YWHAG: variants seen among roughly 807,000 people sequenced by gnomAD.
YWHAG encodes tyrosine 3-monooxygenase/tryptophan 5-monooxygenase activation protein gamma.
In YWHAG, 1 loss-of-function variant was observed where a neutral mutation model predicts 23.3. That is an observed-to-expected ratio of 0.04 (90% CI 0.02 to 0.20). YWHAG has a LOEUF of 0.20. YWHAG is among the 10% of genes least tolerant of loss of function. YWHAG has a pLI of 1.00. For synonymous variants in YWHAG, 160 were observed against 144.0 expected (o/e 1.11, Z -0.80); for missense variants, 151 against 338.6 (o/e 0.45, Z 4.35).
At chr7:76,355,943 A>G (rs1425356113) in intron 1 of YWHAG, among the ~76,000 whole-genome samples, 1 of 152,206 alleles carries the variant, frequency 6.6e-6, no homozygotes, top group African/African-American at 2.4e-5. Flanking sequence ...TACAAGACTA[A>G]ACATCTGTCT....
chr7:76,337,094 A>G (rs113926889), intron 1 of YWHAG, among the ~76,000 whole-genome samples: 4 of 152,316 alleles, frequency 2.6e-5, no homozygotes, highest in Middle Eastern at 3.4e-3. Flanking sequence ...TGTATCTGAA[A>G]TAACACGCCT....
intron 1 of YWHAG, 28 bp downstream of exon 1, chr7:76,358,694 G>A (rs370768782): frequency 1.3e-6 from 2 of 1,528,164 alleles, no homozygotes; most frequent in Non-Finnish European, 8.8e-7. Context: ...GGGGCAGGGA[G>A]CGGCGGGGGA....
intron 1 of YWHAG, among the ~76,000 whole-genome samples, chr7:76,332,713 C>CAA (rs1016440449): frequency 8.3e-5 from 12 of 143,936 alleles, no homozygotes; most frequent in Non-Finnish European, 1.2e-4. Context: ...TTTTTGGAGA[C>CAA]AGAGTTTCAA....
At chr7:76,344,445 C>T (rs1047173608) in intron 1 of YWHAG, among the ~76,000 whole-genome samples, 7 of 152,166 alleles carry the variant, frequency 4.6e-5, no homozygotes, top group Non-Finnish European at 8.8e-5. Flanking sequence ...ATCAGGAAGA[C>T]ACCTCATCAA....
Position 76,329,489 on chromosome 7 carries a change from T to TGCCCCC in YWHAG, c.*87_*88insGGGGGC. Reference sequence around the variant, plus strand: ...TCCCTGGGAAGGTCATCCCTCCCTTTCCCTCCCCCACCCGACCCCCAACTC... The same window carrying TGCCCCC: ...TCCCTGGGAAGGTCATCCCTCCCTTTGCCCCCCCCTCCCCCACCCGACCCCCAACTC... On this transcript the variant is annotated 3_prime_UTR_variant, in exon 2 of 2. Coordinates refer to ENST00000307630, the MANE Select transcript of YWHAG (RefSeq NM_012479.4). The surrounding 1 kb of genome is among the most constrained non-coding windows in gnomAD (Gnocchi z 6.1). 2.9e-6 allele frequency: 3 copies of TGCCCCC among 1,024,226 alleles called. No homozygotes were observed. Among genetic ancestry groups the TGCCCCC allele is most frequent in the East Asian group, 3.5e-5 (1 of 28,686 alleles). 63.4% of individuals were successfully genotyped at this position (1,024,226 alleles called of 1,614,324 possible).
chr7:76,334,357 A>G (rs2908190), intron 1 of YWHAG, among the ~76,000 whole-genome samples: 32,004 of 152,156 alleles, frequency 0.21, 3,563 homozygotes, highest in East Asian at 0.33. Context: ...TGACTATTCA[A>G]TGTGGGAAGA....
chr7:76,346,656 T>C (rs1803783212), intron 1 of YWHAG, among the ~76,000 whole-genome samples: 1 of 152,130 alleles, frequency 6.6e-6, no homozygotes, highest in African/African-American at 2.4e-5. Context: ...CAACCTGCCC[T>C]TGCCGTTCTT....
chr7:76,358,397 C>G (rs1803994569), intron 1 of YWHAG, among the ~76,000 whole-genome samples: 1 of 152,216 alleles, frequency 6.6e-6, no homozygotes, highest in African/African-American at 2.4e-5. Context: ...GATGCGCACG[C>G]CTCCCCGCTC....
intron 1 of YWHAG, among the ~76,000 whole-genome samples, chr7:76,354,383 TG>T (rs1296265321): frequency 1.3e-5 from 2 of 151,970 alleles, no homozygotes; most frequent in African/African-American, 4.8e-5. Flanking sequence ...TGGTGGTGGG[TG>T]CCTGTAATCC....
chr7:76,339,197 C>T (rs1363248161), intron 1 of YWHAG, among the ~76,000 whole-genome samples: 1 of 152,058 alleles, frequency 6.6e-6, no homozygotes, highest in African/African-American at 2.4e-5. Flanking sequence ...AGGCTGGGCG[C>T]GGTGGCTCAC....
chr7:76,337,834 C>A (rs1029491344), intron 1 of YWHAG, among the ~76,000 whole-genome samples: 5 of 152,158 alleles, frequency 3.3e-5, no homozygotes, highest in Non-Finnish European at 7.3e-5. Flanking sequence ...CTGTGCCCGA[C>A]CCCATTTGCT....
At chr7:76,330,316 C>T in intron 1 of YWHAG, 83 bp from the exon 2 acceptor site, 1 of 1,395,394 alleles carries the variant, frequency 7.2e-7, no homozygotes, top group Non-Finnish European at 9.7e-7. Context: ...TAGAACAGAG[C>T]TCTGTTGAGT....
Position 76,328,579 on chromosome 7 carries a change from A to C in YWHAG, c.*998T>G, listed in dbSNP as rs1803489132. ...TCTGCACCCAGCTGCGTCCGCCAGCACGAGGCGCAGTAGGAAACGCCCCAG... is the reference window on the plus strand; with the variant it reads ...TCTGCACCCAGCTGCGTCCGCCAGCCCGAGGCGCAGTAGGAAACGCCCCAG... On this transcript the variant is annotated 3_prime_UTR_variant, in exon 2 of 2. Transcript: ENST00000307630. 1 of 152,232 alleles carries C rather than the reference A, an allele frequency of 6.6e-6. No homozygotes were observed. Among genetic ancestry groups the C allele is most frequent in the Non-Finnish European group, 1.5e-5 (1 of 68,046 alleles). The allele number at this position is 152,232 out of a possible 1,614,324, so 9.4% of individuals were successfully genotyped here. A position where few individuals can be genotyped will look rare whatever the true frequency, so the allele number is the denominator to read the frequency against.
At position 76,348,478 on chromosome 7, in the gene YWHAG, G is replaced by A. The variant is rs922837591; in HGVS notation, c.87+10244C>T. 6.1e-5 allele frequency among the ~76,000 whole-genome samples: 9 copies of A among 148,010 alleles called. No homozygotes were observed. In the Admixed American group the frequency reaches 6.1e-4, roughly 10 times the overall value. ...ACTCTGTTGCCCAGGCTGGAGTGCA[G>A]TGCAAGCTGCGCCACCCCGGGTTCA... is the stretch of plus-strand genomic sequence containing the variant. On this transcript the variant is annotated intron_variant, in intron 1 of 1. Coordinates refer to ENST00000307630, the MANE Select transcript of YWHAG (RefSeq NM_012479.4).
chr7:76,334,055 C>T (rs995489684), intron 1 of YWHAG, among the ~76,000 whole-genome samples: 2 of 152,134 alleles, frequency 1.3e-5, no homozygotes, highest in African/African-American at 4.8e-5. Flanking sequence ...TACAGTAGCT[C>T]GACCACATTT....
intron 1 of YWHAG, among the ~76,000 whole-genome samples, chr7:76,346,582 A>G (rs962100048): frequency 5.3e-5 from 8 of 152,166 alleles, no homozygotes; most frequent in African/African-American, 1.9e-4. Context: ...ACCAGAATTC[A>G]TCTTTTCCAC....
Position 76,329,427 on chromosome 7 carries a change from A to G in YWHAG, c.*150T>C, listed in dbSNP as rs1803506689. 9.3e-7 allele frequency: 1 copy of G among 1,070,512 alleles called. No homozygotes were observed. Among genetic ancestry groups the G allele is most frequent in the Non-Finnish European group, 1.3e-6 (1 of 767,682 alleles). 66.3% of individuals were successfully genotyped at this position (1,070,512 alleles called of 1,614,324 possible). ...CTAGTGGTATTTTGGCAAAAATGTCAAAGAGGCGATCAAAGACAGGACAGG... is the reference window on the plus strand; with the variant it reads ...CTAGTGGTATTTTGGCAAAAATGTCGAAGAGGCGATCAAAGACAGGACAGG... On this transcript the variant is annotated 3_prime_UTR_variant, in exon 2 of 2. Transcript: ENST00000307630. This position sits in a 1 kb window ranked among gnomAD's most constrained non-coding sequence, Gnocchi z 6.1.
At chr7:76,348,695 C>A (rs890763697) in intron 1 of YWHAG, among the ~76,000 whole-genome samples, 2 of 151,492 alleles carry the variant, frequency 1.3e-5, no homozygotes, top group African/African-American at 4.9e-5. Context: ...TGAGCCACCG[C>A]GCCCGGCCTA....
At chr7:76,357,004 T>C (rs1023822651) in intron 1 of YWHAG, among the ~76,000 whole-genome samples, 3 of 152,236 alleles carry the variant, frequency 2.0e-5, no homozygotes, top group African/African-American at 4.8e-5. Flanking sequence ...TGGATATAGG[T>C]GCGAGGTCAC....
Sources: gnomAD v4.1 joint callset for allele counts (sites outside exome capture counted in the v4.1 genomes callset) on GRCh38, gnomAD v4.1.1 for gene constraint, Gnocchi (gnomAD v3.1) non-coding constraint, MANE v1.5 for transcripts, NCBI Gene and HGNC (gene_info 2026-07-23, HGNC 2026-07-21) for gene names.